The following POTEH variants were observed in gnomAD, a reference collection of about 807,000 sequenced individuals.
The protein encoded by POTEH is POTE ankyrin domain family member H.
Under a neutral mutation model 41.7 loss-of-function variants are expected in POTEH, and 6 were observed. The observed-to-expected ratio is 0.14, with a 90% confidence interval of 0.08 to 0.28. The LOEUF is 0.28. Ranked by LOEUF, POTEH falls within the 10% of genes least tolerant of loss-of-function variation. The pLI is 1.00. For missense variants in POTEH, 115 were observed against 533.5 expected, an observed-to-expected ratio of 0.22 and a Z score of 7.73; for synonymous variants, 38 against 179.9, an observed-to-expected ratio of 0.21 and a Z score of 6.31.
intron 10 of POTEH, 75 bp from the exon 11 acceptor site, chr22:15,721,211 A>AT (rs1302902002): frequency 1.8e-4 from 248 of 1,379,996 alleles, no homozygotes; most frequent in Non-Finnish European, 2.2e-4. Flanking sequence ...TACAGATGTT[A>AT]TTTTTTAATT....
intron 1 of POTEH, among the ~76,000 whole-genome samples, chr22:15,691,157 A>G (rs917379764): frequency 2.2e-5 from 3 of 137,522 alleles, no homozygotes; most frequent in Non-Finnish European, 4.9e-5. Context: ...TTCTTTACTG[A>G]GTAATCTTAG....
chr22:15,691,981 G>GATATATATATATATATATAT (rs1403078945), intron 1 of POTEH, among the ~76,000 whole-genome samples: 41 of 122,910 alleles, frequency 3.3e-4, no homozygotes, highest in South Asian at 5.6e-4. Context: ...TACATATGCA[G>GATATATATATATATATATAT]ATACATATAT....
intron 9 of POTEH, among the ~76,000 whole-genome samples, chr22:15,718,839 A>G (rs1313789731): frequency 2.0e-5 from 3 of 149,730 alleles, no homozygotes; most frequent in Non-Finnish European, 1.5e-5. Context: ...TTTATTTCAC[A>G]TCTCTCTCTC....
At chr22:15,717,119 C>T (rs1437065196) in intron 9 of POTEH, among the ~76,000 whole-genome samples, 4 of 88,284 alleles carry the variant, frequency 4.5e-5, no homozygotes, top group African/African-American at 1.4e-4. Context: ...TACACACATA[C>T]GTATATGTGA....
intron 1 of POTEH, among the ~76,000 whole-genome samples, chr22:15,692,851 C>G (rs1195555902): frequency 1.6e-5 from 2 of 128,570 alleles, no homozygotes; most frequent in African/African-American, 5.6e-5. Context: ...GTTGCTGCAG[C>G]TTTTCAAACA....
At chr22:15,691,034 A>T (rs1329784000) in intron 1 of POTEH, among the ~76,000 whole-genome samples, 1 of 143,200 alleles carries the variant, frequency 7.0e-6, no homozygotes, top group African/African-American at 2.5e-5. Context: ...ACATTAAAAA[A>T]GTGTATATTG....
intron 1 of POTEH, 99 bp downstream of exon 1, chr22:15,690,808 C>A (rs73877828): frequency 0.15 from 205,402 of 1,335,846 alleles, 25,038 homozygotes; most frequent in East Asian, 0.22. Context: ...CTTGCCTCCA[C>A]AGGCCTCACA....
At chr22:15,713,701 T>G (rs1301132747) in intron 9 of POTEH, among the ~76,000 whole-genome samples, 1 of 152,308 alleles carries the variant, frequency 6.6e-6, no homozygotes, top group Non-Finnish European at 1.5e-5. Flanking sequence ...GGTTTCCCCA[T>G]GTTGGCCAGG....
At chr22:15,709,463 TAAC>T (rs1177549962) in intron 7 of POTEH, among the ~76,000 whole-genome samples, 1 of 147,612 alleles carries the variant, frequency 6.8e-6, no homozygotes, top group East Asian at 2.1e-4. Context: ...ATTTAACACA[TAAC>T]AAATTAAGTT....
rs747001476 is a variant in POTEH, at chr22:15,690,381, T to A, written c.304T>A (p.Cys102Ser). Residue 102 changes from cysteine (C) to serine (S), a missense_variant, in exon 1 of 11, where the codon TGC (cysteine) becomes AGC (serine). Coordinates refer to ENST00000343518, the MANE Select transcript of POTEH (RefSeq NM_001136213.1). ...KTLRSKMGKWCCHCFPCCRGS... is the reference protein window; with the variant it reads ...KTLRSKMGKWSCHCFPCCRGS... ...ACTCAGGAGCAAGATGGGCAAGTGG[T>A]GCTGCCACTGCTTCCCCTGCTGCAG... is the stretch of plus-strand genomic sequence containing the variant. 2.2e-6 allele frequency: 3 copies of A among 1,379,562 alleles called. No individual in the cohort carries two copies. The highest frequency in any genetic ancestry group is 3.2e-5 in the African/African-American group (2 of 62,968). 85.5% of individuals were successfully genotyped at this position (1,379,562 alleles called of 1,614,324 possible).
chr22:15,691,430 G>A lies in POTEH; in HGVS notation c.632+721G>A, dbSNP rs1303037246. ...AGTCCCAGCTACTCAGGAGGCTGAGGCAGGAGAATGGCGTGAACCTGGGAG... is the reference window on the plus strand; with the variant it reads ...AGTCCCAGCTACTCAGGAGGCTGAGACAGGAGAATGGCGTGAACCTGGGAG... On this transcript the variant is annotated intron_variant, in intron 1 of 10. Coordinates refer to ENST00000343518, the MANE Select transcript of POTEH (RefSeq NM_001136213.1). Among the ~76,000 whole-genome samples the A allele has an allele frequency of 3.2e-5, 4 of 125,224 alleles. 1 individual carries two copies. Among genetic ancestry groups the A allele is most frequent in the African/African-American group, 1.2e-4 (4 of 34,776 alleles). 82.2% of individuals were successfully genotyped at this position (125,224 alleles called of 152,430 possible).
chr22:15,690,740 A>T lies in POTEH; in HGVS notation c.632+31A>T, dbSNP rs1289637557. 1.1e-5 allele frequency: 15 copies of T among 1,397,234 alleles called. 2 individuals are homozygous for T. The South Asian group carries it at 1.5e-4, about 14-fold the overall frequency. The allele number at this position is 1,397,234 out of a possible 1,614,324, so 86.6% of individuals were successfully genotyped here. A position where few individuals can be genotyped will look rare whatever the true frequency, so the allele number is the denominator to read the frequency against. ...CAGGCCTGGGCTGGGAGGAGGTGGG[A>T]TGTGGGAGGATGATGGGGACATACC... On this transcript the variant is annotated intron_variant, in intron 1 of 10. Transcript: ENST00000343518.
At chr22:15,714,244 G>T (rs1168106321) in intron 9 of POTEH, among the ~76,000 whole-genome samples, 4 of 152,042 alleles carry the variant, frequency 2.6e-5, no homozygotes, top group African/African-American at 9.7e-5. Flanking sequence ...TCATAGACTG[G>T]GAATTGATAG....
chr22:15,713,925 C>A (rs1413765094), intron 9 of POTEH, among the ~76,000 whole-genome samples: 1 of 152,314 alleles, frequency 6.6e-6, no homozygotes, highest in East Asian at 1.9e-4. Flanking sequence ...GCCTATCAGA[C>A]GTAGCTACCT....
At chr22:15,692,235 G>A (rs1369899989) in intron 1 of POTEH, among the ~76,000 whole-genome samples, 1 of 140,974 alleles carries the variant, frequency 7.1e-6, no homozygotes, top group African/African-American at 2.5e-5. Flanking sequence ...TTGAACTCCT[G>A]TCCTCGTGAT....
intron 10 of POTEH, among the ~76,000 whole-genome samples, chr22:15,720,204 CCTTA>C (rs1322847583): frequency 9.2e-6 from 1 of 108,674 alleles, no homozygotes; most frequent in Non-Finnish European, 1.8e-5. Context: ...ATGTCATCAT[CCTTA>C]CTTTTGTGGA....
rs1989924396 is a variant in POTEH at position 15,717,195 on chromosome 22, C to T, written c.1521-2465C>T. The stretch of plus-strand genomic sequence containing the variant: ...TCTCCATTTTCTTTATTCCATTCAT[C>T]AGTTCATGGACACTGGCTGATTCCA... On this transcript the variant is annotated intron_variant, in intron 9 of 10. Coordinates refer to ENST00000343518, the MANE Select transcript of POTEH (RefSeq NM_001136213.1). 4.4e-5 allele frequency among the ~76,000 whole-genome samples: 4 copies of T among 91,108 alleles called. 1 individual carries two copies. Among genetic ancestry groups the T allele is most frequent in the African/African-American group, 1.4e-4 (4 of 29,528 alleles). The allele number at this position is 91,108 out of a possible 152,430, so 59.8% of individuals were successfully genotyped here.
chr22:15,711,684 AT>A (rs1989828797), intron 9 of POTEH, among the ~76,000 whole-genome samples: 1 of 151,594 alleles, frequency 6.6e-6, no homozygotes, highest in Non-Finnish European at 1.5e-5. Flanking sequence ...AGGATGTATA[AT>A]ACATGTAAAG....
intron 9 of POTEH, among the ~76,000 whole-genome samples, chr22:15,714,390 T>C (rs1310350370): frequency 6.6e-6 from 1 of 152,158 alleles, no homozygotes; most frequent in African/African-American, 2.4e-5. Flanking sequence ...TGTGTCAGAG[T>C]TCCTCCTAAT....
Sources: allele counts gnomAD v4.1 joint callset (sites outside exome capture counted in the v4.1 genomes callset), GRCh38; gene constraint gnomAD v4.1.1; transcripts MANE v1.5; gene names NCBI Gene and HGNC (gene_info 2026-07-23, HGNC 2026-07-21).